Variants in USP6NL observed in about 807,000 individuals in gnomAD.
USP6NL encodes the protein USP6 N-terminal-like protein.
USP6NL carries 26 observed loss-of-function variants against 61.9 expected under a neutral mutation model. That is an observed-to-expected ratio of 0.42 (90% CI 0.31 to 0.58). The LOEUF is 0.58. Ranked by LOEUF, USP6NL falls within the 20% of genes least tolerant of loss-of-function variation. USP6NL has a pLI of 0.16. For synonymous variants in USP6NL, 432 were observed against 390.1 expected, an observed-to-expected ratio of 1.11 and a Z score of -1.27; for missense variants, 1,114 against 1,034.3, an observed-to-expected ratio of 1.08 and a Z score of -1.06.
intron 14 of USP6NL, among the ~76,000 whole-genome samples, chr10:11,466,021 T>C (rs1832436525): frequency 6.6e-6 from 1 of 152,082 alleles, no homozygotes; most frequent in Admixed American, 6.5e-5. Context: ...GCAAAGCAAA[T>C]GTGGAAGGTA....
intron 2 of USP6NL, among the ~76,000 whole-genome samples, chr10:11,555,457 G>T (rs1467578833): frequency 0.024 from 2,022 of 84,668 alleles, 26 homozygotes; most frequent in Non-Finnish European, 0.032. Context: ...TATATAGAGA[G>T]AGAGAGAGAG....
In USP6NL at chr10:11,589,835, C is replaced by G. The variant is rs917011218; in HGVS notation, c.4+7796G>C. 6.6e-6 allele frequency among the ~76,000 whole-genome samples: 1 copy of G among 152,132 alleles called. No individual in the cohort carries two copies. Among genetic ancestry groups the G allele is most frequent in the African/African-American group, 2.4e-5 (1 of 41,410 alleles). On this transcript the variant is annotated intron_variant, in intron 2 of 14. Transcript: ENST00000609104. This position sits in a 1 kb window ranked among gnomAD's most constrained non-coding sequence, Gnocchi z 4.7. Reference sequence around the variant, plus strand: ...TATTTTATTGTTTAAAGCTTAACACCTGAATGCTACCAATGTGTGAGAACA... The same window carrying G: ...TATTTTATTGTTTAAAGCTTAACACGTGAATGCTACCAATGTGTGAGAACA...
rs1835071687 is a variant in USP6NL at position 11,518,696 on chromosome 10, C to A, written c.156-122G>T. The A allele has an allele frequency of 1.4e-6, 1 of 712,548 alleles. No individual in the cohort carries two copies. Among genetic ancestry groups the A allele is most frequent in the South Asian group, 2.2e-5 (1 of 44,810 alleles). The allele number at this position is 712,548 out of a possible 1,614,324, so 44.1% of individuals were successfully genotyped here. ...TTTGTCATCACAAGAGTTACATAGG[C>A]TTCCATTCATTGAATTCAATATGAA... On this transcript the variant is annotated intron_variant, in intron 4 of 14. Transcript: ENST00000609104. This position sits in a 1 kb window ranked among gnomAD's most constrained non-coding sequence, Gnocchi z 5.3.
rs1185730651 is a variant in USP6NL, at chr10:11,513,805, G to GT, written c.196-4131dup. On this transcript the variant is annotated intron_variant, in intron 5 of 14. Coordinates refer to ENST00000609104, the MANE Select transcript of USP6NL (RefSeq NM_014688.5). The surrounding 1 kb of genome is among the most constrained non-coding windows in gnomAD (Gnocchi z 4.7). ...GCCCCAAGACTGTTCTTTATAGCTG[G>GT]TTTTTTCTGTGGTGTGGGCAACTCG... Among the ~76,000 whole-genome samples, 5 of 152,150 alleles carry GT rather than the reference G, an allele frequency of 3.3e-5. No individual in the cohort carries two copies. The highest frequency in any genetic ancestry group is 4.8e-5 in the African/African-American group (2 of 41,446).
intron 5 of USP6NL, among the ~76,000 whole-genome samples, chr10:11,512,051 T>G (rs898830893): frequency 6.6e-6 from 1 of 152,184 alleles, no homozygotes. Flanking sequence ...CAGCAACTGT[T>G]TTGAAGAAGT....
intron 3 of USP6NL, 101 bp downstream of exon 3, chr10:11,527,399 A>G: frequency 1.9e-6 from 2 of 1,050,390 alleles, no homozygotes; most frequent in Non-Finnish European, 2.8e-6. Flanking sequence ...GAAGTTAAAC[A>G]AACTGCTTCT....
At chr10:11,557,609 A>AT (rs1453120643) in intron 2 of USP6NL, among the ~76,000 whole-genome samples, 3 of 152,208 alleles carry the variant, frequency 2.0e-5, no homozygotes, top group Admixed American at 2.0e-4. Context: ...AAGAGAATGA[A>AT]TTGGAGTTAG....
chr10:11,536,453 T>C (rs978514836), intron 2 of USP6NL, among the ~76,000 whole-genome samples: 1 of 152,220 alleles, frequency 6.6e-6, no homozygotes, highest in African/African-American at 2.4e-5. Context: ...CCCCATTATC[T>C]TCATGTTCTT....
In USP6NL at chr10:11,537,477, T is replaced by A. The variant is rs1012140969; in HGVS notation, c.5-9910A>T. On this transcript the variant is annotated intron_variant, in intron 2 of 14. Transcript: ENST00000609104. This position sits in a 1 kb window ranked among gnomAD's most constrained non-coding sequence, Gnocchi z 5.1. ...AGTGTTCAAAAGAAATAAGCCTAAA[T>A]GTTCTTCAATTTTAACTTTTCATTA... is the stretch of plus-strand genomic sequence containing the variant. 9.2e-5 allele frequency among the ~76,000 whole-genome samples: 14 copies of A among 152,252 alleles called. No individual in the cohort carries two copies. The highest frequency in any genetic ancestry group is 2.1e-4 in the Non-Finnish European group (14 of 68,050).
At chr10:11,479,187 A>T (rs941293987) in intron 14 of USP6NL, among the ~76,000 whole-genome samples, 32 of 152,322 alleles carry the variant, frequency 2.1e-4, no homozygotes, top group Middle Eastern at 6.8e-3. Flanking sequence ...CATGTGGAAA[A>T]TTCTTTACAA....
intron 6 of USP6NL, 111 bp from the exon 7 acceptor site, chr10:11,501,319 G>T: frequency 1.2e-6 from 1 of 816,534 alleles, no homozygotes; most frequent in Non-Finnish European, 1.9e-6. Context: ...AGCATCTATG[G>T]CAATTAATTA....
rs1036155332 is a variant in USP6NL at position 11,491,326 on chromosome 10, T to C, written c.495-446A>G. ...CCAATTCAAGGTGCTGTTTTTCCCA[T>C]AGCCAGGATTCAAGGATCCAAGATT... On this transcript the variant is annotated intron_variant, in intron 8 of 14. Coordinates refer to ENST00000609104, the MANE Select transcript of USP6NL (RefSeq NM_014688.5). This position sits in a 1 kb window ranked among gnomAD's most constrained non-coding sequence, Gnocchi z 4.7. Among the ~76,000 whole-genome samples the C allele has an allele frequency of 3.3e-5, 5 of 152,162 alleles. No individual in the cohort carries two copies. The highest frequency in any genetic ancestry group is 6.5e-5 in the Admixed American group (1 of 15,282).
chr10:11,603,709 G>A (rs899972896), intron 1 of USP6NL, among the ~76,000 whole-genome samples: 8 of 152,016 alleles, frequency 5.3e-5, no homozygotes, highest in African/African-American at 1.5e-4. Flanking sequence ...ACTGCTCAAG[G>A]GCCTTGGGAT....
intron 2 of USP6NL, among the ~76,000 whole-genome samples, chr10:11,541,843 T>C (rs1258850427): frequency 6.6e-6 from 1 of 152,162 alleles, no homozygotes; most frequent in Non-Finnish European, 1.5e-5. Flanking sequence ...TGGAATGAAA[T>C]GCACTAAAGA....
At chr10:11,471,143 A>G (rs1566115252) in intron 14 of USP6NL, among the ~76,000 whole-genome samples, 1 of 152,180 alleles carries the variant, frequency 6.6e-6, no homozygotes, top group Non-Finnish European at 1.5e-5. Flanking sequence ...CGAGAACGCC[A>G]CTGCACTCCA....
At chr10:11,577,312 C>A (rs899252997) in intron 2 of USP6NL, among the ~76,000 whole-genome samples, 1 of 152,046 alleles carries the variant, frequency 6.6e-6, no homozygotes, top group Non-Finnish European at 1.5e-5. Flanking sequence ...GATCCACCCA[C>A]CTCGCCCTCC....
intron 2 of USP6NL, among the ~76,000 whole-genome samples, chr10:11,571,938 A>G (rs1837381033): frequency 6.6e-6 from 1 of 150,766 alleles, no homozygotes; most frequent in South Asian, 2.1e-4. Context: ...CTACTTTAAT[A>G]TACTACTCCT....
Position 11,520,647 on chromosome 10 carries a change from G to A in USP6NL, c.156-2073C>T, listed in dbSNP as rs1356709520. On this transcript the variant is annotated intron_variant, in intron 4 of 14. Coordinates refer to ENST00000609104, the MANE Select transcript of USP6NL (RefSeq NM_014688.5). This position sits in a 1 kb window ranked among gnomAD's most constrained non-coding sequence, Gnocchi z 5.2. ...AGAAGAAAGAAGGACCACAATCTGG[G>A]TGAATGCAGAGAATTCCTTTAGGTC... is the stretch of plus-strand genomic sequence containing the variant. Among the ~76,000 whole-genome samples, 3 of 152,224 alleles carry A rather than the reference G, an allele frequency of 2.0e-5. No homozygotes were observed. Among genetic ancestry groups the A allele is most frequent in the African/African-American group, 7.2e-5 (3 of 41,466 alleles).
Position 11,532,346 on chromosome 10 carries a change from C to A in USP6NL, c.5-4779G>T. Reference sequence around the variant, plus strand: ...TGCAACTAACTAAAACAAAGAAAGGCAGAGGCAGCTCTACTTTAAACTATC... The same window carrying A: ...TGCAACTAACTAAAACAAAGAAAGGAAGAGGCAGCTCTACTTTAAACTATC... On this transcript the variant is annotated intron_variant, in intron 2 of 14. Transcript: ENST00000609104. This position sits in a 1 kb window ranked among gnomAD's most constrained non-coding sequence, Gnocchi z 4.1. The A allele has an allele frequency of 3.7e-6, 3 of 806,364 alleles. No individual in the cohort carries two copies. Among genetic ancestry groups the A allele is most frequent in the Non-Finnish European group, 5.6e-6 (3 of 533,358 alleles). The allele number at this position is 806,364 out of a possible 1,614,324, so 50.0% of individuals were successfully genotyped here.
Sources: gnomAD v4.1 joint callset for allele counts (sites outside exome capture counted in the v4.1 genomes callset) on GRCh38, gnomAD v4.1.1 for gene constraint, Gnocchi (gnomAD v3.1) non-coding constraint, MANE v1.5 for transcripts, NCBI Gene and HGNC (gene_info 2026-07-23, HGNC 2026-07-21) for gene names.